ASTN2: variants seen among roughly 807,000 people sequenced by gnomAD.
ASTN2 encodes the protein astrotactin 2, also known as astrotactin-2.
Under a neutral mutation model 139.8 loss-of-function variants are expected in ASTN2, and 54 were observed. The ratio of observed to expected loss-of-function variants is 0.39; its 90% CI spans 0.31 to 0.48. ASTN2 has a LOEUF of 0.48. ASTN2 is among the 20% of genes least tolerant of loss of function. ASTN2 has a pLI of 0.95. For synonymous variants in ASTN2, 756 were observed against 719.5 expected (o/e 1.05, Z -0.81); for missense variants, 1,565 against 1,725.1 (o/e 0.91, Z 1.64).
intron 13 of ASTN2, among the ~76,000 whole-genome samples, chr9:116,792,043 A>G (rs1333994746): frequency 1.3e-5 from 2 of 152,188 alleles, no homozygotes; most frequent in East Asian, 3.8e-4. Context: ...GTATATTTAG[A>G]GATGTTAACA....
In ASTN2 at chr9:117,008,220, A is replaced by G. The variant is rs753938961; in HGVS notation, c.1463T>C (p.Ile488Thr). The change falls in exon 7 of 23, where the codon ATC becomes ACC. Residue 488 changes from isoleucine to threonine, a missense_variant. Transcript: ENST00000313400. Reference protein sequence around the residue: ...FVVSEGSYLDISDWLNPAKLS... With the variant: ...FVVSEGSYLDTSDWLNPAKLS... ...CTTGGCCGGGTTTAACCAGTCGGAGATGTCCAGGTAGCTCCCTTCACTCAC... is the reference window on the plus strand; with the variant it reads ...CTTGGCCGGGTTTAACCAGTCGGAGGTGTCCAGGTAGCTCCCTTCACTCAC... 3 of 1,608,966 alleles carry G rather than the reference A, an allele frequency of 1.9e-6. No individual in the cohort carries two copies. In the Admixed American group the frequency reaches 5.1e-5, roughly 27 times the overall value.
intron 20 of ASTN2, among the ~76,000 whole-genome samples, chr9:116,454,055 T>C (rs1848254163): frequency 6.6e-6 from 1 of 152,208 alleles, no homozygotes; most frequent in Admixed American, 6.5e-5. Context: ...TCTTCACTGG[T>C]GAATGATAGC....
At chr9:117,378,485 T>C (rs921069183) in intron 1 of ASTN2, among the ~76,000 whole-genome samples, 1 of 152,204 alleles carries the variant, frequency 6.6e-6, no homozygotes, top group Non-Finnish European at 1.5e-5. Context: ...CTTTGACTCC[T>C]TATTTGCAGT....
intron 1 of ASTN2, among the ~76,000 whole-genome samples, chr9:117,373,506 C>A (rs1830041795): frequency 6.6e-6 from 1 of 152,062 alleles, no homozygotes; most frequent in Non-Finnish European, 1.5e-5. Context: ...GGGATGCAGA[C>A]CAGTGAAATA....
intron 10 of ASTN2, among the ~76,000 whole-genome samples, chr9:116,944,112 G>A (rs973011885): frequency 6.6e-6 from 1 of 151,866 alleles, no homozygotes; most frequent in Non-Finnish European, 1.5e-5. Flanking sequence ...TTATGGGGAA[G>A]TACTATTATT....
At chr9:116,526,181 G>T (rs1416473975) in intron 19 of ASTN2, among the ~76,000 whole-genome samples, 1 of 152,144 alleles carries the variant, frequency 6.6e-6, no homozygotes, top group Non-Finnish European at 1.5e-5. Flanking sequence ...GATAAAAGAA[G>T]GTTCATATTC....
At chr9:117,091,572 T>TGG (rs36005728) in intron 5 of ASTN2, among the ~76,000 whole-genome samples, 3 of 151,622 alleles carry the variant, frequency 2.0e-5, no homozygotes, top group Admixed American at 1.3e-4. Context: ...TCTCACGTGA[T>TGG]GGGGGGGCAG....
chr9:117,095,731 T>C (rs2132753679), intron 5 of ASTN2, among the ~76,000 whole-genome samples: 1 of 152,366 alleles, frequency 6.6e-6, no homozygotes, highest in Non-Finnish European at 1.5e-5. Flanking sequence ...ATTTTCCTTA[T>C]TCTTATTTTC....
intron 6 of ASTN2, among the ~76,000 whole-genome samples, chr9:117,019,449 G>T (rs778363518): frequency 6.6e-6 from 1 of 152,080 alleles, no homozygotes; most frequent in Non-Finnish European, 1.5e-5. Flanking sequence ...GAGAACAGCT[G>T]CCTAAATATA....
At chr9:117,107,402 C>T (rs10983525) in intron 4 of ASTN2, among the ~76,000 whole-genome samples, 23,861 of 152,002 alleles carry the variant, frequency 0.16, 2,046 homozygotes, top group African/African-American at 0.2. Context: ...GACACCCTCC[C>T]GAAAGGATAT....
chr9:117,052,536 T>C (rs933949982), intron 5 of ASTN2, among the ~76,000 whole-genome samples: 3 of 151,962 alleles, frequency 2.0e-5, no homozygotes, highest in Non-Finnish European at 4.4e-5. Context: ...GTCATCATCA[T>C]CAACAAATTT....
intron 16 of ASTN2, among the ~76,000 whole-genome samples, chr9:116,703,757 T>G (rs1340053938): frequency 6.6e-6 from 1 of 150,920 alleles, no homozygotes; most frequent in Non-Finnish European, 1.5e-5. Context: ...AGTGTTACTC[T>G]ACTCTGTAGG....
chr9:116,530,129 ATATATATATATATATATATAT>A (rs1851271586), intron 19 of ASTN2, among the ~76,000 whole-genome samples: 4 of 33,278 alleles, frequency 1.2e-4, no homozygotes, highest in African/African-American at 3.3e-4. Context: ...ATATATATAT[ATATATATATATATATATATAT>A]AAAATAGAAT....
rs555152845 is a variant in ASTN2 at position 116,493,192 on chromosome 9, C to T, written c.3356-5692G>A. ...AAGCCCCACTGTCTTGCATCTGAGC[C>T]CCATGCACCTTTCACTAGGCCACTC... On this transcript the variant is annotated intron_variant, in intron 19 of 22. Transcript: ENST00000313400. Among the ~76,000 whole-genome samples, 5 of 152,226 alleles carry T rather than the reference C, an allele frequency of 3.3e-5. No individual in the cohort carries two copies. The South Asian group carries it at 1.0e-3, about 32-fold the overall frequency.
chr9:116,494,592 A>G (rs1849614994), intron 19 of ASTN2, among the ~76,000 whole-genome samples: 1 of 152,210 alleles, frequency 6.6e-6, no homozygotes, highest in Admixed American at 6.5e-5. Context: ...GGAAATAAAA[A>G]TGTTATTTGG....
chr9:117,263,577 C>T (rs971368271), intron 2 of ASTN2, among the ~76,000 whole-genome samples: 3 of 152,148 alleles, frequency 2.0e-5, no homozygotes, highest in Non-Finnish European at 4.4e-5. Flanking sequence ...GTCCTGAGGC[C>T]ACACAGGACA....
chr9:117,332,290 G>T (rs529847466), intron 1 of ASTN2, among the ~76,000 whole-genome samples: 1 of 152,306 alleles, frequency 6.6e-6, no homozygotes, highest in South Asian at 2.1e-4. Flanking sequence ...GACAGGATTG[G>T]CTGGGTGTGG....
chr9:116,534,835 C>T (rs1487127774), intron 19 of ASTN2, among the ~76,000 whole-genome samples: 3 of 152,190 alleles, frequency 2.0e-5, no homozygotes, highest in Non-Finnish European at 4.4e-5. Flanking sequence ...AATGTATATT[C>T]TGTTGACTTG....
At chr9:116,592,830 A>G (rs1854429745) in intron 19 of ASTN2, among the ~76,000 whole-genome samples, 1 of 152,206 alleles carries the variant, frequency 6.6e-6, no homozygotes, top group Admixed American at 6.5e-5. Flanking sequence ...GGGATTCAGC[A>G]TTAGAAGCAA....
Sources: gnomAD v4.1 joint callset for allele counts (sites outside exome capture counted in the v4.1 genomes callset) on GRCh38, gnomAD v4.1.1 for gene constraint, MANE v1.5 for transcripts, NCBI Gene and HGNC (gene_info 2026-07-23, HGNC 2026-07-21) for gene names.